Variants in ST8SIA6 observed in about 807,000 individuals in gnomAD.
ST8SIA6 encodes the protein alpha-2,8-sialyltransferase 8F.
Under a neutral mutation model 33.6 loss-of-function variants are expected in ST8SIA6, and 39 were observed. The observed-to-expected ratio is 1.16, with a 90% CI of 0.90 to 1.52. ST8SIA6 has a LOEUF of 1.52. ST8SIA6 is among the 40% of genes most tolerant of loss of function. ST8SIA6 has a pLI of 0.00. For synonymous variants in ST8SIA6, 172 were observed against 167.2 expected (o/e 1.03, Z -0.22); for missense variants, 441 against 443.8 (o/e 0.99, Z 0.06).
chr10:17,358,899 A>G (rs770559367), intron 4 of ST8SIA6, among the ~76,000 whole-genome samples: 2 of 152,166 alleles, frequency 1.3e-5, no homozygotes, highest in African/African-American at 2.4e-5. Flanking sequence ...GTATGGGGGT[A>G]AGAACTATCA....
chr10:17,344,700 C>T (rs1402061470), intron 4 of ST8SIA6, among the ~76,000 whole-genome samples: 1 of 152,268 alleles, frequency 6.6e-6, no homozygotes, highest in African/African-American at 2.4e-5. Context: ...TTAAGCTGTG[C>T]TGAATGTTCC....
intron 2 of ST8SIA6, among the ~76,000 whole-genome samples, chr10:17,442,525 T>G (rs111809419): frequency 6.6e-6 from 1 of 152,224 alleles, no homozygotes; most frequent in Admixed American, 6.5e-5. Context: ...ATACAAAGTT[T>G]CCATTGATCT....
intron 2 of ST8SIA6, among the ~76,000 whole-genome samples, chr10:17,451,436 G>C (rs1313950005): frequency 2.0e-5 from 3 of 152,158 alleles, no homozygotes; most frequent in Non-Finnish European, 4.4e-5. Flanking sequence ...TGAGAGTGAG[G>C]GGAGAGCTGA....
intron 3 of ST8SIA6, among the ~76,000 whole-genome samples, chr10:17,388,101 AC>A (rs1850448038): frequency 6.6e-6 from 1 of 152,242 alleles, no homozygotes; most frequent in Non-Finnish European, 1.5e-5. Context: ...CCCACACTGC[AC>A]ATGGCCCAGG....
chr10:17,358,045 G>A (rs10904933), intron 4 of ST8SIA6, among the ~76,000 whole-genome samples: 26,095 of 152,022 alleles, frequency 0.17, 2,562 homozygotes, highest in East Asian at 0.49. Flanking sequence ...GGCATAAAAC[G>A]TCCTGGAAAT....
Position 17,449,629 on chromosome 10 carries a change from A to T in ST8SIA6, c.200+3930T>A, listed in dbSNP as rs150709256. Among the ~76,000 whole-genome samples, 373 of 152,308 alleles carry T rather than the reference A, an allele frequency of 2.4e-3. 2 individuals are homozygous for T. Among genetic ancestry groups the T allele is most frequent in the African/African-American group, 8.7e-3 (361 of 41,576 alleles). On this transcript the variant is annotated intron_variant, in intron 2 of 7. Coordinates refer to ENST00000377602, the MANE Select transcript of ST8SIA6 (RefSeq NM_001004470.3). ...ATTCTCCCACTTTAGCACATTAACC[A>T]TCTTACCTGGAAGACACAGCTCCTT...
intron 2 of ST8SIA6, among the ~76,000 whole-genome samples, chr10:17,438,504 C>T (rs7915021): frequency 0.25 from 38,374 of 151,944 alleles, 7,185 homozygotes; most frequent in African/African-American, 0.53. Flanking sequence ...TATAAAATCA[C>T]ACAGTCCAAA....
At chr10:17,429,543 G>C (rs1428099676) in intron 2 of ST8SIA6, among the ~76,000 whole-genome samples, 1 of 151,824 alleles carries the variant, frequency 6.6e-6, no homozygotes, top group Admixed American at 6.6e-5. Flanking sequence ...GTTTCTCCCT[G>C]TGTGCCCATG....
chr10:17,322,893 C>T (rs1387315028), intron 7 of ST8SIA6, among the ~76,000 whole-genome samples, 172 bp downstream of exon 7: 1 of 152,116 alleles, frequency 6.6e-6, no homozygotes, highest in Admixed American at 6.5e-5. Flanking sequence ...TTAGGAAAAA[C>T]GACCTTGATA....
intron 2 of ST8SIA6, among the ~76,000 whole-genome samples, chr10:17,400,500 C>CG (rs1850996164): frequency 6.6e-6 from 1 of 152,184 alleles, no homozygotes; most frequent in African/African-American, 2.4e-5. Flanking sequence ...CGACTGCACT[C>CG]CATCCTGGGT....
intron 2 of ST8SIA6, among the ~76,000 whole-genome samples, chr10:17,445,056 A>G (rs1852655248): frequency 6.6e-6 from 1 of 152,186 alleles, no homozygotes; most frequent in Non-Finnish European, 1.5e-5. Context: ...GCCTTCATCT[A>G]TTTGGAGCAT....
At position 17,326,528 on chromosome 10, in the gene ST8SIA6, A is replaced by G. The variant is rs1302589664; in HGVS notation, c.635+486T>C. Among the ~76,000 whole-genome samples the G allele has an allele frequency of 2.6e-5, 4 of 152,246 alleles. No homozygotes were observed. In the East Asian group the frequency reaches 7.7e-4, roughly 29 times the overall value. ...ATTTGTTTTTTAAATTGCAAGCCAG[A>G]AAACGAAATAATGATACAGTTTGCA... On this transcript the variant is annotated intron_variant, in intron 6 of 7. Transcript: ENST00000377602.
chr10:17,452,061 G>A (rs889209524), intron 2 of ST8SIA6, among the ~76,000 whole-genome samples: 5 of 152,166 alleles, frequency 3.3e-5, no homozygotes, highest in African/African-American at 9.7e-5. Flanking sequence ...GTCAACCCTC[G>A]AATGTGTAAT....
At chr10:17,336,247 G>A (rs908167350) in intron 4 of ST8SIA6, among the ~76,000 whole-genome samples, 2 of 152,062 alleles carry the variant, frequency 1.3e-5, no homozygotes, top group Non-Finnish European at 2.9e-5. Context: ...CTGAGCCGCC[G>A]CACTGGGCCT....
chr10:17,328,842 G>T (rs776849806), intron 5 of ST8SIA6, among the ~76,000 whole-genome samples: 2 of 152,136 alleles, frequency 1.3e-5, no homozygotes, highest in African/African-American at 2.4e-5. Context: ...ACCATTGAAG[G>T]GGCCACTGGT....
rs540780345 is a variant in ST8SIA6 at position 17,317,259 on chromosome 10, A to G, written c.*3619T>C. ...ATCATATATCACCCACATTTTTTTT[A>G]TAAAAAGAAGAATGCTTCTGGAAGA... On this transcript the variant is annotated 3_prime_UTR_variant, in exon 8 of 8. Transcript: ENST00000377602. 2.0e-5 allele frequency among the ~76,000 whole-genome samples: 3 copies of G among 152,218 alleles called. 1 individual carries two copies. In the South Asian group the frequency reaches 6.2e-4, roughly 32 times the overall value.
chr10:17,436,636 C>T (rs1852270105), intron 2 of ST8SIA6, among the ~76,000 whole-genome samples: 1 of 149,512 alleles, frequency 6.7e-6, no homozygotes, highest in Non-Finnish European at 1.5e-5. Flanking sequence ...GGTTTTTTGT[C>T]CTTGTGATAG....
At chr10:17,447,316 G>C (rs1852751739) in intron 2 of ST8SIA6, among the ~76,000 whole-genome samples, 1 of 152,084 alleles carries the variant, frequency 6.6e-6, no homozygotes, top group Admixed American at 6.5e-5. Context: ...GGAGGCAGGA[G>C]AATCACTGGA....
chr10:17,397,025 G>C (rs141364974), intron 2 of ST8SIA6, among the ~76,000 whole-genome samples: 49 of 152,276 alleles, frequency 3.2e-4, no homozygotes, highest in African/African-American at 1.1e-3. Flanking sequence ...GTGCATAAGA[G>C]TGGGTGTTTC....
Sources: allele counts gnomAD v4.1 joint callset (sites outside exome capture counted in the v4.1 genomes callset), GRCh38; gene constraint gnomAD v4.1.1; transcripts MANE v1.5; gene names NCBI Gene and HGNC (gene_info 2026-07-23, HGNC 2026-07-21).